The following AGO3 variants were observed in gnomAD, a reference collection of about 807,000 sequenced individuals.
AGO3 encodes protein argonaute-3.
A neutral mutation model predicts 105.5 loss-of-function variants in AGO3; 16 were observed. The observed-to-expected ratio is 0.15, with a 90% confidence interval of 0.10 to 0.23. AGO3 has a LOEUF of 0.23. Among genes scored for constraint, AGO3 ranks in the 10% least tolerant of loss-of-function variants. The pLI is 1.00. For synonymous variants in AGO3, 340 were observed against 367.3 expected (o/e 0.93, Z 0.85); for missense variants, 534 against 1,088.0 (o/e 0.49, Z 7.16).
intron 5 of AGO3, among the ~76,000 whole-genome samples, chr1:35,993,153 G>A (rs556049184): frequency 6.6e-6 from 1 of 152,262 alleles, no homozygotes; most frequent in East Asian, 1.9e-4. Context: ...ACTGTACAAA[G>A]CTGTGAATCC....
chr1:35,943,979 A>G (rs1331443886), intron 1 of AGO3, among the ~76,000 whole-genome samples: 1 of 152,190 alleles, frequency 6.6e-6, no homozygotes, highest in African/African-American at 2.4e-5. Flanking sequence ...TTAAGGCTGA[A>G]TAATATTTCA....
At chr1:35,934,061 C>G (rs1008829956) in intron 1 of AGO3, among the ~76,000 whole-genome samples, 1 of 152,128 alleles carries the variant, frequency 6.6e-6, no homozygotes. Context: ...GTGTCTGTGA[C>G]TCTTTAGTTG....
intron 2 of AGO3, among the ~76,000 whole-genome samples, chr1:35,961,365 A>G (rs1646673433): frequency 6.6e-6 from 1 of 152,172 alleles, no homozygotes; most frequent in Non-Finnish European, 1.5e-5. Flanking sequence ...CTCTTTGAAC[A>G]GTTCTAGCAA....
rs553346686 is a variant in AGO3 at position 36,067,062 on chromosome 1, C to A, written c.*11317C>A. ...TTACAGTAAAGAAATTAAATGAAGTCTTTATCCTTAAATAGGGCCAGGCAT... is the reference window on the plus strand; with the variant it reads ...TTACAGTAAAGAAATTAAATGAAGTATTTATCCTTAAATAGGGCCAGGCAT... On this transcript the variant is annotated 3_prime_UTR_variant, in exon 19 of 19. Coordinates refer to ENST00000373191, the MANE Select transcript of AGO3 (RefSeq NM_024852.4). The A allele has an allele frequency of 6.6e-6, 1 of 152,282 alleles. No individual in the cohort carries two copies. Among genetic ancestry groups the A allele is most frequent in the East Asian group, 1.9e-4 (1 of 5,188 alleles). 9.4% of individuals were successfully genotyped at this position (152,282 alleles called of 1,614,324 possible). A position where few individuals can be genotyped will look rare whatever the true frequency, so the allele number is the denominator to read the frequency against.
At chr1:36,050,812 A>G (rs1035657107) in intron 17 of AGO3, among the ~76,000 whole-genome samples, 7 of 146,370 alleles carry the variant, frequency 4.8e-5, no homozygotes, top group African/African-American at 1.0e-4. Context: ...AAAAAAAAAG[A>G]TACTTGATTT....
intron 15 of AGO3, among the ~76,000 whole-genome samples, 159 bp from the exon 16 acceptor site, chr1:36,040,148 T>C (rs1642186354): frequency 6.6e-6 from 1 of 152,198 alleles, no homozygotes; most frequent in Non-Finnish European, 1.5e-5. Flanking sequence ...TGTGTATGCC[T>C]TGCTTGCTAA....
chr1:36,071,459 A>T lies in AGO3; in HGVS notation c.*15714A>T, dbSNP rs1037245067. 2 of 152,158 alleles carry T rather than the reference A, an allele frequency of 1.3e-5. No individual in the cohort carries two copies. The highest frequency in any genetic ancestry group is 2.9e-5 in the Non-Finnish European group (2 of 68,032). 9.4% of individuals were successfully genotyped at this position (152,158 alleles called of 1,614,324 possible). ...TGATATCAGTATGTTTTGAAACTGA[A>T]TTATTACATAAAATCAGAGTAACCT... On this transcript the variant is annotated 3_prime_UTR_variant, in exon 19 of 19. Transcript: ENST00000373191.
chr1:35,931,464 G>A lies in AGO3; in HGVS notation c.19+19G>A. 1.3e-6 allele frequency: 2 copies of A among 1,500,046 alleles called. No individual in the cohort carries two copies. Among genetic ancestry groups the A allele is most frequent in the Non-Finnish European group, 1.8e-6 (2 of 1,122,722 alleles). 92.9% of individuals were successfully genotyped at this position (1,500,046 alleles called of 1,614,324 possible). Reference sequence around the variant, plus strand: ...TCCGCAGGTGAGTCAGAGTAGCTGGGCCAGGTAGGGGATGTCACCCAGCTA... The same window carrying A: ...TCCGCAGGTGAGTCAGAGTAGCTGGACCAGGTAGGGGATGTCACCCAGCTA... On this transcript the variant is annotated intron_variant, in intron 1 of 18. Coordinates refer to ENST00000373191, the MANE Select transcript of AGO3 (RefSeq NM_024852.4).
intron 2 of AGO3, among the ~76,000 whole-genome samples, chr1:35,962,114 T>C (rs1438067811): frequency 6.6e-6 from 1 of 152,222 alleles, no homozygotes; most frequent in Non-Finnish European, 1.5e-5. Flanking sequence ...TTACTTACTA[T>C]ATGTAGGGCA....
intron 11 of AGO3, among the ~76,000 whole-genome samples, chr1:36,024,912 A>T (rs77256710): frequency 0.015 from 2,319 of 152,166 alleles, 49 homozygotes; most frequent in African/African-American, 0.053. Context: ...TGGCCTTTTT[A>T]ACCTGTTTCC....
chr1:35,972,727 G>T (rs1002871046), intron 4 of AGO3, among the ~76,000 whole-genome samples: 3 of 151,840 alleles, frequency 2.0e-5, no homozygotes, highest in African/African-American at 7.3e-5. Context: ...CACCCAGGCT[G>T]TAGTGCAGTG....
rs759284974 is a variant in AGO3, at chr1:35,988,853, A to G, written c.658+15342A>G. Among the ~76,000 whole-genome samples, 96 of 152,176 alleles carry G rather than the reference A, an allele frequency of 6.3e-4. 1 individual carries two copies. Among genetic ancestry groups the G allele is most frequent in the Admixed American group, 2.8e-3 (42 of 15,270 alleles). ...ATTTTTAATTTTTTGAGGAACCTCC[A>G]TACTGTTTTCCATAAAGGCTGCAAC... On this transcript the variant is annotated intron_variant, in intron 5 of 18. Coordinates refer to ENST00000373191, the MANE Select transcript of AGO3 (RefSeq NM_024852.4).
intron 14 of AGO3, among the ~76,000 whole-genome samples, chr1:36,036,502 A>T (rs2148845662): frequency 6.6e-6 from 1 of 152,170 alleles, no homozygotes; most frequent in South Asian, 2.1e-4. Context: ...TAATTTGTCT[A>T]CTTGACCTCT....
intron 9 of AGO3, among the ~76,000 whole-genome samples, chr1:36,013,018 C>T (rs1640697383): frequency 6.6e-6 from 1 of 152,026 alleles, no homozygotes; most frequent in Admixed American, 6.6e-5. Context: ...CCCACTGCAG[C>T]CTTGAGCTCC....
chr1:36,032,472 C>T (rs1641821655), intron 12 of AGO3, among the ~76,000 whole-genome samples: 1 of 152,048 alleles, frequency 6.6e-6, no homozygotes, highest in African/African-American at 2.4e-5. Context: ...GCCTCCATCT[C>T]CTAGGCCCAT....
intron 14 of AGO3, among the ~76,000 whole-genome samples, chr1:36,037,032 A>T (rs115292918): frequency 2.6e-5 from 4 of 151,480 alleles, no homozygotes; most frequent in Non-Finnish European, 5.9e-5. Flanking sequence ...CCTGTTTTTA[A>T]CATCTGCCTG....
chr1:35,947,831 A>C (rs1646395606), intron 2 of AGO3, among the ~76,000 whole-genome samples: 1 of 152,106 alleles, frequency 6.6e-6, no homozygotes, highest in African/African-American at 2.4e-5. Context: ...CTTGTTTCTC[A>C]AAACTGGTTC....
intron 1 of AGO3, among the ~76,000 whole-genome samples, chr1:35,944,751 G>A (rs1319273171): frequency 3.3e-5 from 5 of 151,706 alleles, no homozygotes; most frequent in Admixed American, 1.3e-4. Context: ...TGATCTGCCC[G>A]CTTTGGCCTC....
chr1:35,970,173 AC>A (rs1489672135), intron 3 of AGO3, among the ~76,000 whole-genome samples: 1 of 152,210 alleles, frequency 6.6e-6, no homozygotes, highest in Non-Finnish European at 1.5e-5. Context: ...TGGTATGTTC[AC>A]AGCTGCTGGG....
Sources: allele counts gnomAD v4.1 joint callset (sites outside exome capture counted in the v4.1 genomes callset), GRCh38; gene constraint gnomAD v4.1.1; transcripts MANE v1.5; gene names NCBI Gene and HGNC (gene_info 2026-07-23, HGNC 2026-07-21).